Variants in NBR1 observed in about 807,000 individuals in gnomAD.
NBR1 encodes the protein NBR1 autophagy cargo receptor.
Under a neutral mutation model 115.5 loss-of-function variants are expected in NBR1, and 59 were observed. The observed-to-expected ratio is 0.51, with a 90% confidence interval of 0.41 to 0.63. The LOEUF (loss-of-function observed/expected upper bound fraction) is 0.63, where lower values mean the gene tolerates loss of function less well. Among genes scored for constraint, NBR1 ranks in the 30% least tolerant of loss-of-function variants. The pLI, the probability that NBR1 is intolerant of heterozygous loss-of-function variation, is 0.00. For synonymous variants in NBR1, 373 were observed against 414.7 expected, an observed-to-expected ratio of 0.90 and a Z score of 1.22; for missense variants, 1,043 against 1,150.5, an observed-to-expected ratio of 0.91 and a Z score of 1.35.
intron 5 of NBR1, among the ~76,000 whole-genome samples, chr17:43,184,306 G>A (rs2056747045): frequency 6.8e-6 from 1 of 147,920 alleles, no homozygotes; most frequent in South Asian, 2.1e-4. Context: ...CAAGTTATCT[G>A]CCTCAGCCTC....
At position 43,190,703 on chromosome 17, in the gene NBR1, G is replaced by A; in HGVS notation, c.790G>A (p.Val264Met). 1 of 1,613,994 alleles carries A rather than the reference G, an allele frequency of 6.2e-7. No homozygotes were observed. The highest frequency in any genetic ancestry group is 8.5e-7 in the Non-Finnish European group (1 of 1,179,874). The change falls in exon 9 of 21, where the codon GTG (valine) becomes ATG (methionine). Residue 264 changes from valine (V) to methionine (M), a missense_variant. Transcript: ENST00000590996. Reference sequence around the variant, plus strand: ...CCTGCTGAAGTTGCGGAGACCTGTTGTGGGCTCCTCTGAACCGTTCTGTCA... The same window carrying A: ...CCTGCTGAAGTTGCGGAGACCTGTTATGGGCTCCTCTGAACCGTTCTGTCA... ...HVLLKLRRPV[V>M]GSSEPFCHSK...
At chr17:43,199,683 C>A (rs2057151090) in intron 16 of NBR1, among the ~76,000 whole-genome samples, 1 of 152,012 alleles carries the variant, frequency 6.6e-6, no homozygotes, top group African/African-American at 2.4e-5. Context: ...CCCTGGGTAG[C>A]TTTTTTCTAT....
At chr17:43,177,586 C>G (rs1164711205) in intron 2 of NBR1, among the ~76,000 whole-genome samples, 2 of 142,194 alleles carry the variant, frequency 1.4e-5, no homozygotes, top group Non-Finnish European at 3.2e-5. Flanking sequence ...CACACACACA[C>G]ACACACACAC....
intron 10 of NBR1, among the ~76,000 whole-genome samples, chr17:43,192,268 C>T (rs1288956258): frequency 2.6e-5 from 4 of 152,042 alleles, no homozygotes; most frequent in Non-Finnish European, 4.4e-5. Flanking sequence ...TGAATCCGCC[C>T]GCCTTGGCCT....
intron 5 of NBR1, 65 bp downstream of exon 5, chr17:43,180,882 C>CT (rs1438219134): frequency 3.6e-5 from 46 of 1,275,664 alleles, no homozygotes; most frequent in East Asian, 2.7e-4. Flanking sequence ...GGTTTTTTTT[C>CT]TTTTTTTGAG....
At position 43,200,488 on chromosome 17, in the gene NBR1, T is replaced by G; in HGVS notation, c.2348T>G (p.Leu783Arg). 6.2e-7 allele frequency: 1 copy of G among 1,613,414 alleles called. No homozygotes were observed. The highest frequency in any genetic ancestry group is 8.5e-7 in the Non-Finnish European group (1 of 1,179,716). ...GAACCAGCTGAGGCTGGGGAAAGAC[T>G]CCCTGGAGGGGAGAACCAGCCACAG... Reference protein sequence around the residue: ...GQEPAEAGERLPGGENQPQEH... With the variant: ...GQEPAEAGERRPGGENQPQEH... The change falls in exon 17 of 21, where the codon CTC becomes CGC. Residue 783 changes from leucine to arginine, a missense_variant. Transcript: ENST00000590996.
chr17:43,187,346 A>T (rs2056833987), intron 6 of NBR1, among the ~76,000 whole-genome samples: 1 of 151,698 alleles, frequency 6.6e-6, no homozygotes, highest in African/African-American at 2.4e-5. Context: ...ACGCCCAGCT[A>T]ATTTTTTTTA....
chr17:43,204,876 G>A (rs1428234311), intron 20 of NBR1, among the ~76,000 whole-genome samples: 2 of 150,264 alleles, frequency 1.3e-5, no homozygotes, highest in Non-Finnish European at 2.9e-5. Flanking sequence ...GGGAAACTAA[G>A]GTGGGAGGAT....
intron 5 of NBR1, among the ~76,000 whole-genome samples, chr17:43,181,813 C>T (rs2056673082): frequency 6.6e-6 from 1 of 152,034 alleles, no homozygotes; most frequent in South Asian, 2.1e-4. Context: ...GGTGAAACCT[C>T]ATCTCTACTA....
Position 43,191,533 on chromosome 17 carries a change from A to G in NBR1, c.1025A>G (p.Lys342Arg). 1 of 1,613,412 alleles carries G rather than the reference A, an allele frequency of 6.2e-7. No homozygotes were observed. The change falls in exon 10 of 21, where the codon AAG becomes AGG. Residue 342 changes from lysine (K) to arginine (R), a missense_variant. Physicochemically the swap from Lys to Arg is conservative, Grantham distance 26. Coordinates refer to ENST00000590996, the MANE Select transcript of NBR1 (RefSeq NM_005899.5). The stretch of plus-strand genomic sequence containing the variant: ...TCAATCCATGGACTCCAGAGCCCCA[A>G]GTCTCCTTTAGGCCGACCTGAGAGC... ...WNSIHGLQSP[K>R]SPLGRPESLL...
At chr17:43,178,883 C>T (rs924600739) in intron 3 of NBR1, among the ~76,000 whole-genome samples, 2 of 151,670 alleles carry the variant, frequency 1.3e-5, no homozygotes, top group Non-Finnish European at 2.9e-5. Flanking sequence ...CCATCTCAGC[C>T]TTCTGGGTAG....
chr17:43,175,742 C>T, intron 1 of NBR1, 49 bp from the exon 2 acceptor site: 1 of 846,864 alleles, frequency 1.2e-6, no homozygotes. Context: ...CTTATAGAAC[C>T]CTTTCTAATG....
At chr17:43,171,355 G>A (rs1449110264) in intron 1 of NBR1, 53 bp downstream of exon 1, 1 of 152,658 alleles carries the variant, frequency 6.6e-6, no homozygotes, top group Non-Finnish European at 1.5e-5. Flanking sequence ...CGCTAAGAGG[G>A]TTTGGGGAAG....
chr17:43,209,810 T>C, intron 20 of NBR1, 91 bp from the exon 21 acceptor site: 1 of 1,462,680 alleles, frequency 6.8e-7, no homozygotes, highest in Non-Finnish European at 9.0e-7. Context: ...GAAAGACTAG[T>C]ATGCTTGCAA....
At chr17:43,172,951 G>A (rs555984559) in intron 1 of NBR1, among the ~76,000 whole-genome samples, 76 of 151,668 alleles carry the variant, frequency 5.0e-4, no homozygotes, top group African/African-American at 1.5e-3. Flanking sequence ...TCAGCCTCCC[G>A]AGTAGCTGGA....
intron 1 of NBR1, among the ~76,000 whole-genome samples, chr17:43,171,636 C>G (rs1477241613): frequency 6.6e-6 from 1 of 152,148 alleles, no homozygotes; most frequent in Non-Finnish European, 1.5e-5. Context: ...TGCTAGGAAA[C>G]GAAAACTGGA....
intron 18 of NBR1, among the ~76,000 whole-genome samples, chr17:43,202,357 C>T (rs1399216299): frequency 1.3e-5 from 2 of 152,026 alleles, no homozygotes; most frequent in East Asian, 3.9e-4. Context: ...ACTAGCAGTT[C>T]AGCAGGTTTC....
At position 43,200,402 on chromosome 17, in the gene NBR1, G is replaced by A. The variant is rs147690189; in HGVS notation, c.2262G>A (p.Ala754=). The change falls in exon 17 of 21, where the codon GCG becomes GCA. Residue 754 remains alanine, a synonymous_variant. Transcript: ENST00000590996. ...TGGGGGATTCTATGTACAGCTCTGC[G>A]CTCTCACAGCCAGGCCTGGAGCGAG... The part of the protein sequence containing the change: ...RPLGDSMYSS[A]LSQPGLERGA... The A allele has an allele frequency of 5.1e-4, 811 of 1,601,094 alleles. 8 individuals carry two copies. In the African/African-American group the frequency reaches 9.3e-3, roughly 18 times the overall value.
rs1012247604 is a variant in NBR1 at position 43,210,598 on chromosome 17, C to G, written c.*524C>G. The G allele has an allele frequency of 5.0e-6, 2 of 398,486 alleles. No individual in the cohort carries two copies. The highest frequency in any genetic ancestry group is 8.8e-6 in the Non-Finnish European group (2 of 226,040). The allele number at this position is 398,486 out of a possible 1,614,324, so 24.7% of individuals were successfully genotyped here. ...TGATAGAAATGTTGTTACTCTTCCTCTCTCAAGGAGAAAGTAATTTTCCTG... is the reference window on the plus strand; with the variant it reads ...TGATAGAAATGTTGTTACTCTTCCTGTCTCAAGGAGAAAGTAATTTTCCTG... On this transcript the variant is annotated 3_prime_UTR_variant, in exon 21 of 21. Coordinates refer to ENST00000590996, the MANE Select transcript of NBR1 (RefSeq NM_005899.5).
Sources: gnomAD v4.1 joint callset for allele counts (sites outside exome capture counted in the v4.1 genomes callset) on GRCh38, gnomAD v4.1.1 for gene constraint, MANE v1.5 for transcripts, NCBI Gene and HGNC (gene_info 2026-07-23, HGNC 2026-07-21) for gene names.